ZNF512B: variants seen among roughly 807,000 people sequenced by gnomAD.
The protein encoded by ZNF512B is zinc finger protein 512B.
In ZNF512B, 22 loss-of-function variants were observed where a neutral mutation model predicts 87.8. The observed-to-expected ratio is 0.25, with a 90% CI of 0.18 to 0.36. The LOEUF (loss-of-function observed/expected upper bound fraction) is 0.36. Among genes scored for constraint, ZNF512B ranks in the 10% least tolerant of loss-of-function variants. The pLI, the probability that ZNF512B is intolerant of heterozygous loss-of-function variation, is 1.00. For synonymous variants in ZNF512B, 524 were observed against 490.9 expected (o/e 1.07, Z -0.89); for missense variants, 1,060 against 1,231.6 (o/e 0.86, Z 2.09).
At chr20:63,964,452 G>A (rs1233431445) in intron 6 of ZNF512B, 38 bp downstream of exon 6, 5 of 1,613,262 alleles carry the variant, frequency 3.1e-6, no homozygotes, top group Non-Finnish European at 3.4e-6. Context: ...AGGAGGCCGA[G>A]CCTGCCCCGG....
chr20:63,963,799 A>G lies in ZNF512B; in HGVS notation c.1595T>C (p.Val532Ala), dbSNP rs1226328433. The change falls in exon 9 of 17, where the codon GTG becomes GCG. Residue 532 changes from valine (V) to alanine (A), a missense_variant. By Grantham distance (64) the Val-to-Ala change is moderately conservative (BLOSUM62 0). Transcript: ENST00000369888. The stretch of plus-strand genomic sequence containing the variant: ...CGGGAGCTGCCTTACCTTCTGACAC[A>G]CCTCCATGTGCTTCTTAAGCCCCAC... ...TLVGLKKHME[V>A]CQKLQDALKC... The G allele has an allele frequency of 2.5e-6, 4 of 1,612,786 alleles. No homozygotes were observed. Among genetic ancestry groups the G allele is most frequent in the South Asian group, 1.1e-5 (1 of 91,060 alleles).
Position 63,961,874 on chromosome 20 carries a change from C to G in ZNF512B, c.2328+68G>C. ...GGGTCCCTCACTACTGTGTGGGAAG[C>G]CCGCGTGGGGTGAGCTGGGAGCTCT... is the stretch of plus-strand genomic sequence containing the variant. On this transcript the variant is annotated intron_variant, in intron 15 of 16. Coordinates refer to ENST00000369888, the MANE Select transcript of ZNF512B (RefSeq NM_020713.3). This position sits in a 1 kb window ranked among gnomAD's most constrained non-coding sequence, Gnocchi z 6.4. 6.7e-7 allele frequency: 1 copy of G among 1,503,270 alleles called. No homozygotes were observed. Among genetic ancestry groups the G allele is most frequent in the Non-Finnish European group, 9.0e-7 (1 of 1,105,022 alleles). The allele number at this position is 1,503,270 out of a possible 1,614,324, so 93.1% of individuals were successfully genotyped here.
At position 63,960,054 on chromosome 20, in the gene ZNF512B, A is replaced by G. The variant is rs755378436; in HGVS notation, c.2513T>C (p.Leu838Pro). 25 of 1,613,838 alleles carry G rather than the reference A, an allele frequency of 1.5e-5. No homozygotes were observed. Among genetic ancestry groups the G allele is most frequent in the Non-Finnish European group, 2.0e-5 (24 of 1,180,026 alleles). Residue 838 changes from leucine to proline, a missense_variant, in exon 17 of 17, where the codon CTG becomes CCG. Leu to Pro is a moderately conservative substitution (Grantham distance 98). Around this residue, in one of 9 missense-constraint regions of ZNF512B, gnomAD observed 253 missense variants for 259.2 expected, o/e 0.98. Transcript: ENST00000369888. ...LVPKKEKKKN[L>P]AGGKKRGRKP... ...TCGGCCCCGCTTCTTTCCACCTGCC[A>G]GATTTTTCTTCTTTTCCTTCTTGGG...
At position 63,963,716 on chromosome 20, in the gene ZNF512B, G is replaced by C. The variant is rs13040004; in HGVS notation, c.1606-6C>G. 5 of 1,613,306 alleles carry C rather than the reference G, an allele frequency of 3.1e-6. No individual in the cohort carries two copies. The East Asian group carries it at 8.9e-5, about 29-fold the overall frequency. ...CACTTGAGTGCATCCTGAAGCTGCA[G>C]ATGGCCCACATGTGAGAAGCCTGCC... On this transcript the variant is annotated splice_polypyrimidine_tract_variant and splice_region_variant and intron_variant, in intron 9 of 16. Transcript: ENST00000369888.
In ZNF512B at chr20:63,967,863, G is replaced by T. The variant is rs1308338399; in HGVS notation, c.88C>A (p.Arg30=). ...PGKDGSRKEV[R]LPMLHDPPKM... is the part of the protein sequence containing the mutation. ...GGTGGGTCATGCAGCATTGGAAGTC[G>T]GACCTCCTTTCGGCTGCCATCCTTC... Residue 30 remains arginine (R), a synonymous_variant, in exon 2 of 17, where the codon CGA becomes AGA. Coordinates refer to ENST00000369888, the MANE Select transcript of ZNF512B (RefSeq NM_020713.3). The T allele has an allele frequency of 6.2e-7, 1 of 1,613,286 alleles. No homozygotes were observed. Among genetic ancestry groups the T allele is most frequent in the African/African-American group, 1.3e-5 (1 of 74,926 alleles).
chr20:63,963,573 G>T, intron 10 of ZNF512B, 45 bp downstream of exon 10: 1 of 1,606,462 alleles, frequency 6.2e-7, no homozygotes, highest in Non-Finnish European at 8.5e-7. Flanking sequence ...GGTGGGGTGC[G>T]AGGTCAGAGG....
At chr20:63,962,207 A>C (rs2058860137) in intron 14 of ZNF512B, 66 bp downstream of exon 14, 1 of 1,501,470 alleles carries the variant, frequency 6.7e-7, no homozygotes, top group African/African-American at 1.4e-5. Flanking sequence ...TCCTGCTCAG[A>C]GGGCCACACC....
At chr20:63,968,301 A>G (rs1276065933) in intron 1 of ZNF512B, among the ~76,000 whole-genome samples, 2 of 152,224 alleles carry the variant, frequency 1.3e-5, no homozygotes, top group African/African-American at 2.4e-5. Flanking sequence ...GATGATGCCG[A>G]AGGTGATGCA....
At chr20:63,963,320 A>G (rs1283425888) in intron 11 of ZNF512B, 22 bp downstream of exon 11, 2 of 1,537,518 alleles carry the variant, frequency 1.3e-6, no homozygotes, top group African/African-American at 1.4e-5. Flanking sequence ...CCCACCCCAC[A>G]CTGCCGCGGC....
rs543213156 is a variant in ZNF512B, at chr20:63,967,179, G to A, written c.265-175C>T. Among the ~76,000 whole-genome samples, 14 of 152,340 alleles carry A rather than the reference G, an allele frequency of 9.2e-5. No individual in the cohort carries two copies. The East Asian group carries it at 1.9e-3, about 21-fold the overall frequency. On this transcript the variant is annotated intron_variant, in intron 3 of 16. Transcript: ENST00000369888. ...CTGGCAGGGGCCATGCACAAGACCCGTTCTAGGAGCCCACCAACGCGATCC... is the reference window on the plus strand; with the variant it reads ...CTGGCAGGGGCCATGCACAAGACCCATTCTAGGAGCCCACCAACGCGATCC...
rs1252054838 is a variant in ZNF512B at position 63,967,923 on chromosome 20, G to A, written c.28C>T (p.Arg10Cys). 28 of 1,612,134 alleles carry A rather than the reference G, an allele frequency of 1.7e-5. No individual in the cohort carries two copies. Among genetic ancestry groups the A allele is most frequent in the Middle Eastern group, 1.6e-4 (1 of 6,076 alleles). Reference sequence around the variant, plus strand: ...CTCTTGCTGGACCCCGGGAGCCGACGGCCTCCAACGCAGAAAGGATCCGTC... The same window carrying A: ...CTCTTGCTGGACCCCGGGAGCCGACAGCCTCCAACGCAGAAAGGATCCGTC... Reference protein sequence around the residue: MTDPFCVGGRRLPGSSKSGP... With the variant: MTDPFCVGGCRLPGSSKSGP... The change falls in exon 2 of 17, where the codon CGT (arginine) becomes TGT (cysteine). Residue 10 changes from arginine to cysteine, a missense_variant. Transcript: ENST00000369888.
intron 1 of ZNF512B, chr20:63,969,024 G>T: frequency 1.3e-6 from 1 of 751,940 alleles, no homozygotes; most frequent in Non-Finnish European, 1.6e-6. Flanking sequence ...AGGGGCTGCT[G>T]TGTCCAGGAG....
chr20:63,962,788 G>A lies in ZNF512B; in HGVS notation c.1969-7C>T, dbSNP rs1243731036. Reference sequence around the variant, plus strand: ...CTGTGGGCTCCTCAGGGGGCTGGAGGGCAGGAAGGCATGGAGGCTAGAGTG... The same window carrying A: ...CTGTGGGCTCCTCAGGGGGCTGGAGAGCAGGAAGGCATGGAGGCTAGAGTG... On this transcript the variant is annotated splice_region_variant and splice_polypyrimidine_tract_variant and intron_variant, in intron 12 of 16. Coordinates refer to ENST00000369888, the MANE Select transcript of ZNF512B (RefSeq NM_020713.3). The A allele has an allele frequency of 1.0e-5, 16 of 1,589,226 alleles. No homozygotes were observed. Among genetic ancestry groups the A allele is most frequent in the South Asian group, 2.2e-5 (2 of 89,004 alleles).
rs775931093 is a variant in ZNF512B, at chr20:63,963,200, C to T, written c.1863G>A (p.Pro621=). The change falls in exon 12 of 17, where the codon CCG becomes CCA. Residue 621 remains proline, a synonymous_variant. Coordinates refer to ENST00000369888, the MANE Select transcript of ZNF512B (RefSeq NM_020713.3). Reference sequence around the variant, plus strand: ...AGGAGGGGCTGTCCACCTCGCAGGGCGGCTTCCCGCAGCGCCGCTGGTGGT... The same window carrying T: ...AGGAGGGGCTGTCCACCTCGCAGGGTGGCTTCCCGCAGCGCCGCTGGTGGT... ...YQYHQRRCGK[P]PCEVDSPSFP... 41 of 1,547,044 alleles carry T rather than the reference C, an allele frequency of 2.7e-5. No individual in the cohort carries two copies. The South Asian group carries it at 3.3e-4, about 12-fold the overall frequency.
intron 3 of ZNF512B, 89 bp downstream of exon 3, chr20:63,967,292 C>T (rs1429899740): frequency 6.7e-7 from 1 of 1,500,822 alleles, no homozygotes; most frequent in East Asian, 2.3e-5. Flanking sequence ...AGAGTTGGTA[C>T]CAGATGTGCA....
Position 63,963,612 on chromosome 20 carries a change from C to G in ZNF512B, c.1698+6G>C. 2 of 1,613,316 alleles carry G rather than the reference C, an allele frequency of 1.2e-6. No homozygotes were observed. Among genetic ancestry groups the G allele is most frequent in the Middle Eastern group, 1.7e-4 (1 of 5,976 alleles). On this transcript the variant is annotated splice_donor_region_variant and intron_variant, in intron 10 of 16. Coordinates refer to ENST00000369888, the MANE Select transcript of ZNF512B (RefSeq NM_020713.3). ...CGCTGGACGGGAGCTGGGGGCCCGA[C>G]GGTACCTTGGCACTGTGCTCGGCCA...
chr20:63,963,118 C>A lies in ZNF512B; in HGVS notation c.1945G>T (p.Val649Leu). The change falls in exon 12 of 17, where the codon GTG becomes TTG. Residue 649 changes from valine (V) to leucine (L), a missense_variant. Physicochemically the swap from Val to Leu is conservative, Grantham distance 32. Transcript: ENST00000369888. ...ACGGGGGCCGTGTGCTCCGAGCGCA[C>A]GTGGTAGTCGTGGCCAGCCTTGGAT... ...YRSKAGHDYHVRSEHTAPPPE... is the reference protein window; with the variant it reads ...YRSKAGHDYHLRSEHTAPPPE... The A allele has an allele frequency of 6.4e-7, 1 of 1,557,862 alleles. No individual in the cohort carries two copies. Among genetic ancestry groups the A allele is most frequent in the South Asian group, 1.2e-5 (1 of 85,620 alleles).
Position 63,966,660 on chromosome 20 carries a change from T to C in ZNF512B, c.515A>G (p.Lys172Arg), listed in dbSNP as rs776899626. The C allele has an allele frequency of 6.2e-7, 1 of 1,613,306 alleles. No homozygotes were observed. Among genetic ancestry groups the C allele is most frequent in the Non-Finnish European group, 8.5e-7 (1 of 1,179,970 alleles). ...NHMDRPLPAS[K>R]PGPISRPVTI... ...GACCGGCCTGCTGATGGGCCCAGGC[T>C]TGGAGGCAGGCAGGGGTCGGTCCAT... The change falls in exon 5 of 17, where the codon AAG (lysine) becomes AGG (arginine). Residue 172 changes from lysine to arginine, a missense_variant. This residue lies in a region of ZNF512B where 201 missense variants were observed against 226.8 expected (regional missense o/e 0.89). Coordinates refer to ENST00000369888, the MANE Select transcript of ZNF512B (RefSeq NM_020713.3).
chr20:63,959,937 C>T lies in ZNF512B; in HGVS notation c.2630G>A (p.Arg877Gln), dbSNP rs373018067. 2.7e-5 allele frequency: 43 copies of T among 1,608,112 alleles called. No individual in the cohort carries two copies. In the South Asian group the frequency reaches 3.0e-4, roughly 11 times the overall value. ...WPPGCRDKGA[R>Q]GSTGRKVGVS... ...TCCCACCTTCCGGCCGGTGGAGCCCCGGGCCCCCTTGTCTCTGCATCCTGG... is the reference window on the plus strand; with the variant it reads ...TCCCACCTTCCGGCCGGTGGAGCCCTGGGCCCCCTTGTCTCTGCATCCTGG... Residue 877 changes from arginine (R) to glutamine (Q), a missense_variant, in exon 17 of 17, where the codon CGG (arginine) becomes CAG (glutamine). Physicochemically the swap from Arg to Gln is conservative, Grantham distance 43. This residue lies in a region of ZNF512B where 253 missense variants were observed against 259.2 expected (regional missense o/e 0.98). Transcript: ENST00000369888.
Sources: allele counts gnomAD v4.1 joint callset (sites outside exome capture counted in the v4.1 genomes callset), GRCh38; gene constraint gnomAD v4.1.1; regional missense constraint gnomAD v4.1.1; non-coding constraint Gnocchi (gnomAD v3.1); transcripts MANE v1.5; gene names NCBI Gene and HGNC (gene_info 2026-07-23, HGNC 2026-07-21).